The following EFL1 variants were observed in gnomAD, a reference collection of about 807,000 sequenced individuals.
The protein encoded by EFL1 is elongation factor like GTPase 1, also known as elongation factor-like GTPase 1.
Under a neutral mutation model 126.7 loss-of-function variants are expected in EFL1, and 76 were observed. That is an observed-to-expected ratio of 0.60 (90% CI 0.50 to 0.73). EFL1 has a LOEUF of 0.73. EFL1 is among the 30% of genes least tolerant of loss of function. The probability of loss-of-function intolerance (pLI) is 0.00; values close to 1 mark genes in which losing one functional copy is unlikely to be tolerated. For missense variants in EFL1, 1,128 were observed against 1,343.2 expected (o/e 0.84, Z 2.50); for synonymous variants, 410 against 448.4 (o/e 0.91, Z 1.08).
At chr15:82,214,393 C>G (rs996344356) in intron 15 of EFL1, among the ~76,000 whole-genome samples, 1 of 152,166 alleles carries the variant, frequency 6.6e-6, no homozygotes, top group Non-Finnish European at 1.5e-5. Flanking sequence ...ATCTGTAGAA[C>G]CAGAAATGCC....
At chr15:82,156,645 C>T (rs1210976759) in intron 17 of EFL1, among the ~76,000 whole-genome samples, 1 of 143,624 alleles carries the variant, frequency 7.0e-6, no homozygotes, top group South Asian at 2.1e-4. Flanking sequence ...CTACTACCAC[C>T]GATTTTACTG....
At chr15:82,220,293 T>A in intron 12 of EFL1, 64 bp from the exon 13 acceptor site, 1 of 1,509,948 alleles carries the variant, frequency 6.6e-7, no homozygotes, top group Non-Finnish European at 8.9e-7. Context: ...CAGCAAGCAT[T>A]GACATGGCTG....
intron 15 of EFL1, among the ~76,000 whole-genome samples, chr15:82,207,156 T>C (rs2074532677): frequency 6.6e-6 from 1 of 151,986 alleles, no homozygotes; most frequent in South Asian, 2.1e-4. Flanking sequence ...GAAAAGACCA[T>C]TTGATAAATC....
rs1459714812 is a variant in EFL1, at chr15:82,211,281, C to T, written c.1750+3436G>A. Among the ~76,000 whole-genome samples the T allele has an allele frequency of 8.6e-5, 13 of 151,592 alleles. No homozygotes were observed. The South Asian group carries it at 1.7e-3, about 19-fold the overall frequency. ...GTAGCTCATGTCTGTAATCCCAGCA[C>T]GTTGGGAGGCCGAGGCAGGCAGATC... On this transcript the variant is annotated intron_variant, in intron 15 of 19. Coordinates refer to ENST00000268206, the MANE Select transcript of EFL1 (RefSeq NM_024580.6).
intron 19 of EFL1, among the ~76,000 whole-genome samples, chr15:82,135,708 T>G (rs2073713532): frequency 6.6e-6 from 1 of 152,174 alleles, no homozygotes; most frequent in Non-Finnish European, 1.5e-5. Flanking sequence ...TGGGGCCTTG[T>G]TAGATGTGGT....
At chr15:82,196,881 A>C (rs1458302559) in intron 15 of EFL1, among the ~76,000 whole-genome samples, 1 of 152,086 alleles carries the variant, frequency 6.6e-6, no homozygotes, top group African/African-American at 2.4e-5. Flanking sequence ...AAAATACAAA[A>C]ATTAGCCGGG....
chr15:82,213,729 C>A (rs1050791158), intron 15 of EFL1, among the ~76,000 whole-genome samples: 2 of 152,164 alleles, frequency 1.3e-5, no homozygotes, highest in African/African-American at 4.8e-5. Flanking sequence ...TTCCAATGTC[C>A]TTTCTGATAA....
rs538194449 is a variant in EFL1, at chr15:82,188,940, T to C, written c.1751-24956A>G. Among the ~76,000 whole-genome samples the C allele has an allele frequency of 2.0e-5, 3 of 147,352 alleles. No homozygotes were observed. In the East Asian group the frequency reaches 6.2e-4, roughly 30 times the overall value. ...ATGCTTTTTTTTTTTTTTTTGCTCA[T>C]GCATCCAATCATTCTACAAATACAG... On this transcript the variant is annotated intron_variant, in intron 15 of 19. Coordinates refer to ENST00000268206, the MANE Select transcript of EFL1 (RefSeq NM_024580.6).
chr15:82,175,241 C>A (rs2074182042), intron 15 of EFL1, among the ~76,000 whole-genome samples: 1 of 152,164 alleles, frequency 6.6e-6, no homozygotes, highest in Non-Finnish European at 1.5e-5. Flanking sequence ...TGATGTGGCA[C>A]AGGTACTGAC....
chr15:82,257,717 A>C (rs1262228049), intron 3 of EFL1, among the ~76,000 whole-genome samples: 1 of 152,154 alleles, frequency 6.6e-6, no homozygotes, highest in Non-Finnish European at 1.5e-5. Flanking sequence ...CCTTTGTTAC[A>C]ACTGATGAAC....
At chr15:82,238,186 C>T in intron 7 of EFL1, 121 bp downstream of exon 7, 1 of 1,093,690 alleles carries the variant, frequency 9.1e-7, no homozygotes, top group Non-Finnish European at 1.3e-6. Flanking sequence ...AGAGAACTCT[C>T]TGCATTATCT....
chr15:82,252,332 G>A (rs1372585786), intron 4 of EFL1, among the ~76,000 whole-genome samples: 7 of 152,160 alleles, frequency 4.6e-5, no homozygotes, highest in East Asian at 1.9e-4. Flanking sequence ...TACTGATCAC[G>A]GCAGTCTACC....
At chr15:82,181,987 C>A (rs182403415) in intron 15 of EFL1, among the ~76,000 whole-genome samples, 1 of 152,164 alleles carries the variant, frequency 6.6e-6, no homozygotes. Flanking sequence ...TGGCTGGGCA[C>A]GGTGGCTCAC....
intron 7 of EFL1, among the ~76,000 whole-genome samples, chr15:82,233,113 C>G (rs1305173190): frequency 6.6e-6 from 1 of 152,130 alleles, no homozygotes; most frequent in Non-Finnish European, 1.5e-5. Flanking sequence ...TCTAGTCCAC[C>G]ATATTAAATA....
At chr15:82,214,452 C>A (rs149917986) in intron 15 of EFL1, among the ~76,000 whole-genome samples, 19 of 152,240 alleles carry the variant, frequency 1.2e-4, no homozygotes, top group African/African-American at 4.1e-4. Context: ...CCCTCTCGCT[C>A]TGAAATAAAT....
At chr15:82,154,631 C>CA (rs1336758358) in intron 17 of EFL1, among the ~76,000 whole-genome samples, 3 of 152,186 alleles carry the variant, frequency 2.0e-5, no homozygotes, top group Non-Finnish European at 4.4e-5. Flanking sequence ...AGTCTTAGCC[C>CA]TCAGAGGGCC....
chr15:82,141,245 T>C (rs1171271740), intron 18 of EFL1, among the ~76,000 whole-genome samples: 1 of 152,192 alleles, frequency 6.6e-6, no homozygotes, highest in Non-Finnish European at 1.5e-5. Flanking sequence ...AACAGCAGAA[T>C]GATTATTATT....
chr15:82,236,568 T>C (rs1196435131), intron 7 of EFL1, among the ~76,000 whole-genome samples: 12 of 152,152 alleles, frequency 7.9e-5, no homozygotes, highest in East Asian at 1.9e-4. Flanking sequence ...CTATGGAGAA[T>C]AGATAACCTT....
intron 4 of EFL1, among the ~76,000 whole-genome samples, chr15:82,245,341 T>C (rs1034408405): frequency 6.6e-6 from 1 of 152,012 alleles, no homozygotes; most frequent in African/African-American, 2.4e-5. Flanking sequence ...GGTTTCACTG[T>C]GTTGCCGTGG....
Sources: gnomAD v4.1 joint callset for allele counts (sites outside exome capture counted in the v4.1 genomes callset) on GRCh38, gnomAD v4.1.1 for gene constraint, MANE v1.5 for transcripts, NCBI Gene and HGNC (gene_info 2026-07-23, HGNC 2026-07-21) for gene names.